Variants in MEGF6 observed in about 807,000 individuals in gnomAD.
MEGF6 encodes the protein multiple EGF like domains 6.
MEGF6 carries 184 observed loss-of-function variants against 207.1 expected under a neutral mutation model. The observed-to-expected ratio is 0.89, with a 90% CI of 0.79 to 1.00. The LOEUF (loss-of-function observed/expected upper bound fraction) is 1.00, where lower values mean the gene tolerates loss of function less well. Among genes scored for constraint, MEGF6 ranks in the 50% least tolerant of loss-of-function variants. MEGF6 has a pLI of 0.00. For synonymous variants in MEGF6, 1,038 were observed against 910.0 expected (o/e 1.14, Z -2.53); for missense variants, 2,282 against 2,202.9 (o/e 1.04, Z -0.72).
In MEGF6 at chr1:3,499,828, G is replaced by A. The variant is rs1397199355; in HGVS notation, c.2804C>T (p.Pro935Leu). Residue 935 changes from proline (P) to leucine (L), a missense_variant, in exon 22 of 37, where the codon CCG (proline) becomes CTG (leucine). Physicochemically the swap from Pro to Leu is moderately conservative, Grantham distance 98. Transcript: ENST00000356575. ...CDHVSGACTCPAGWRGTFCEH... is the reference protein window; with the variant it reads ...CDHVSGACTCLAGWRGTFCEH... ...GCAGAAGGTGCCCCTCCAGCCGGCCGGGCAGGTGCAGGCCCCGCTGACGTG... is the reference window on the plus strand; with the variant it reads ...GCAGAAGGTGCCCCTCCAGCCGGCCAGGCAGGTGCAGGCCCCGCTGACGTG... 24 of 1,553,640 alleles carry A rather than the reference G, an allele frequency of 1.5e-5. No individual in the cohort carries two copies. Among genetic ancestry groups the A allele is most frequent in the East Asian group, 2.4e-5 (1 of 41,312 alleles).
At chr1:3,495,380 G>A (rs779565378) in intron 30 of MEGF6, among the ~76,000 whole-genome samples, 3 of 152,184 alleles carry the variant, frequency 2.0e-5, no homozygotes, top group Non-Finnish European at 2.9e-5. Context: ...CTGTGGCTGT[G>A]TTCATGAGCA....
At chr1:3,614,811 G>C (rs868729464), upstream of MEGF6, among the ~76,000 whole-genome samples, 9 of 152,368 alleles carry the variant, frequency 5.9e-5, no homozygotes, top group Middle Eastern at 3.4e-3. Context: ...TCCCTGGTTA[G>C]CCAGTGGTTC....
At chr1:3,514,044 T>G (rs892325534) in intron 7 of MEGF6, among the ~76,000 whole-genome samples, 1 of 151,730 alleles carries the variant, frequency 6.6e-6, no homozygotes, top group East Asian at 2.0e-4. Context: ...GTCAGGAGAT[T>G]GAGAGCATCC....
intron 30 of MEGF6, among the ~76,000 whole-genome samples, 166 bp from the exon 31 acceptor site, chr1:3,494,907 C>T (rs1640537867): frequency 6.6e-6 from 1 of 152,256 alleles, no homozygotes; most frequent in South Asian, 2.1e-4. Flanking sequence ...GCACCAGCCG[C>T]ATCCTCTCAT....
At chr1:3,567,174 T>C (rs915140673) in intron 4 of MEGF6, among the ~76,000 whole-genome samples, 2 of 152,106 alleles carry the variant, frequency 1.3e-5, no homozygotes, top group East Asian at 1.9e-4. Context: ...GAGGCAAAGA[T>C]GTGAGCAGGA....
chr1:3,505,929 C>T (rs865802672), intron 15 of MEGF6, among the ~76,000 whole-genome samples, 179 bp downstream of exon 15: 2 of 152,222 alleles, frequency 1.3e-5, no homozygotes, highest in African/African-American at 2.4e-5. Flanking sequence ...CAGTCACAGT[C>T]GAGAGGATGT....
the MEGF6 span, among the ~76,000 whole-genome samples, chr1:3,617,982 C>T: frequency 4.1e-4 from 62 of 152,146 alleles, no homozygotes; most frequent in Non-Finnish European, 6.9e-4. Flanking sequence ...GGGGAGCCCC[C>T]GGCCCAGAGA....
rs777384958 is a variant in MEGF6 at position 3,595,413 on chromosome 1, T to C, written c.301A>G (p.Thr101Ala). The change falls in exon 3 of 37, where the codon ACC becomes GCC. Residue 101 changes from threonine to alanine, a missense_variant. Physicochemically the swap from Thr to Ala is moderately conservative, Grantham distance 58 (BLOSUM62 0). Coordinates refer to ENST00000356575, the MANE Select transcript of MEGF6 (RefSeq NM_001409.4). Reference sequence around the variant, plus strand: ...CTGAGCACGGTCCGGGCCTCCGTGGTATACACCTGCCTGTAGCCCATGTAG... The same window carrying C: ...CTGAGCACGGTCCGGGCCTCCGTGGCATACACCTGCCTGTAGCCCATGTAG... ...VYYMGYRQVY[T>A]TEARTVLRCC... 56 of 1,612,044 alleles carry C rather than the reference T, an allele frequency of 3.5e-5. No individual in the cohort carries two copies. The highest frequency in any genetic ancestry group is 4.7e-5 in the Non-Finnish European group (56 of 1,179,656).
At position 3,501,869 on chromosome 1, in the gene MEGF6, C is replaced by A. The variant is rs369696275; in HGVS notation, c.2241G>T (p.Gly747=). The change falls in exon 18 of 37, where the codon GGG becomes GGT. Residue 747 remains glycine (G), a synonymous_variant. Transcript: ENST00000356575. ...GVNCSSSCSC[G]GAPCHGVTGQ... ...CCGTGACCCCGTGGCAGGGGGCCCC[C>A]CCACAGGAGCAGGAGCTCGAGCAGT... 6.2e-7 allele frequency: 1 copy of A among 1,608,930 alleles called. No homozygotes were observed. Among genetic ancestry groups the A allele is most frequent in the Non-Finnish European group, 8.5e-7 (1 of 1,178,656 alleles).
chr1:3,542,509 G>A (rs1034670623), intron 4 of MEGF6, among the ~76,000 whole-genome samples: 3 of 152,140 alleles, frequency 2.0e-5, no homozygotes, highest in African/African-American at 4.8e-5. Flanking sequence ...CCTGGTCCCC[G>A]AGGACCATGG....
intron 4 of MEGF6, among the ~76,000 whole-genome samples, chr1:3,549,890 G>A (rs1205951489): frequency 6.6e-6 from 1 of 152,186 alleles, no homozygotes; most frequent in African/African-American, 2.4e-5. Flanking sequence ...CACAGGCACG[G>A]GTGGGCGGTC....
the MEGF6 span, chr1:3,624,359 C>G: frequency 6.6e-6 from 1 of 152,498 alleles, no homozygotes; most frequent in Admixed American, 6.5e-5. Context: ...GCAGCCCTCT[C>G]TGTGTGCACT....
At chr1:3,511,454 G>A (rs1641341438) in intron 9 of MEGF6, 96 bp downstream of exon 9, 3 of 1,405,714 alleles carry the variant, frequency 2.1e-6, no homozygotes, top group Non-Finnish European at 1.9e-6. Flanking sequence ...AGACTGACGA[G>A]GACCTCCAAG....
Position 3,500,641 on chromosome 1 carries a change from C to A in MEGF6, c.2699G>T (p.Cys900Phe). 6.4e-7 allele frequency: 1 copy of A among 1,557,770 alleles called. No homozygotes were observed. Among genetic ancestry groups the A allele is most frequent in the Non-Finnish European group, 8.7e-7 (1 of 1,151,166 alleles). The stretch of plus-strand genomic sequence containing the variant: ...GCAGGGCCGGGACTCACGCTGCTCG[C>A]ACCGCGGGCCCACGTAGCCAGCCTC... ...LCEAGYVGPR[C>F]EQQCPQGHFG... Residue 900 changes from cysteine to phenylalanine, a missense_variant, in exon 21 of 37, where the codon TGC (cysteine) becomes TTC (phenylalanine). Coordinates refer to ENST00000356575, the MANE Select transcript of MEGF6 (RefSeq NM_001409.4).
At chr1:3,495,156 C>T (rs1183882701) in intron 30 of MEGF6, among the ~76,000 whole-genome samples, 1 of 152,216 alleles carries the variant, frequency 6.6e-6, no homozygotes, top group Non-Finnish European at 1.5e-5. Context: ...CTGGCTGTAG[C>T]CCTGCTGTTA....
intron 4 of MEGF6, among the ~76,000 whole-genome samples, chr1:3,548,673 T>A (rs1307287884): frequency 1.3e-5 from 2 of 152,112 alleles, no homozygotes; most frequent in Non-Finnish European, 2.9e-5. Flanking sequence ...GGGAGGGCGG[T>A]GTCCAGGCAG....
chr1:3,602,741 A>G (rs372200597), intron 1 of MEGF6, 141 bp from the exon 2 acceptor site: 2 of 1,274,404 alleles, frequency 1.6e-6, no homozygotes, highest in South Asian at 1.6e-5. Flanking sequence ...CACAGTGCCC[A>G]TGCCAGTGCC....
chr1:3,605,842 T>C (rs991247632), intron 1 of MEGF6, among the ~76,000 whole-genome samples: 2 of 152,174 alleles, frequency 1.3e-5, no homozygotes, highest in Non-Finnish European at 2.9e-5. Context: ...GTGGCCCTCC[T>C]GTCAGGGGCG....
rs1012868420 is a variant in MEGF6, at chr1:3,556,991, G to A, written c.481+22834C>T. On this transcript the variant is annotated intron_variant, in intron 4 of 36. Transcript: ENST00000356575. The surrounding 1 kb of genome is among the most constrained non-coding windows in gnomAD (Gnocchi z 4.4). ...ATCACATGGAGTTTCATGGGTGCTG[G>A]GGATGCGGGGAAGGCAGGAGGGAAG... Among the ~76,000 whole-genome samples, 7 of 152,196 alleles carry A rather than the reference G, an allele frequency of 4.6e-5. No homozygotes were observed. Among genetic ancestry groups the A allele is most frequent in the Admixed American group, 2.0e-4 (3 of 15,282 alleles).
Sources: gnomAD v4.1 joint callset for allele counts (sites outside exome capture counted in the v4.1 genomes callset) on GRCh38, gnomAD v4.1.1 for gene constraint, Gnocchi (gnomAD v3.1) non-coding constraint, MANE v1.5 for transcripts, NCBI Gene and HGNC (gene_info 2026-07-23, HGNC 2026-07-21) for gene names.